MACROD2: variants seen among roughly 807,000 people sequenced by gnomAD.
MACROD2 encodes the protein ADP-ribose glycohydrolase MACROD2.
Under a neutral mutation model 70.4 loss-of-function variants are expected in MACROD2, and 36 were observed. The ratio of observed to expected loss-of-function variants is 0.51; its 90% CI spans 0.39 to 0.68. The LOEUF (loss-of-function observed/expected upper bound fraction) is 0.68. MACROD2 is among the 30% of genes least tolerant of loss of function. The pLI is 0.00. For synonymous variants in MACROD2, 172 were observed against 178.8 expected (o/e 0.96, Z 0.30); for missense variants, 496 against 538.4 (o/e 0.92, Z 0.78).
At chr20:14,635,045 G>A (rs992549370) in intron 4 of MACROD2, among the ~76,000 whole-genome samples, 1 of 152,188 alleles carries the variant, frequency 6.6e-6, no homozygotes, top group South Asian at 2.1e-4. Context: ...GTGCAATGAG[G>A]ATATGGAGGT....
chr20:15,622,341 C>T (rs1221206072), intron 8 of MACROD2, among the ~76,000 whole-genome samples: 2 of 152,124 alleles, frequency 1.3e-5, no homozygotes, highest in Non-Finnish European at 2.9e-5. Flanking sequence ...CAGCAGTGCC[C>T]CCTTATTTGT....
At chr20:14,319,142 C>T (rs755398516) in intron 3 of MACROD2, among the ~76,000 whole-genome samples, 2 of 152,186 alleles carry the variant, frequency 1.3e-5, no homozygotes, top group Non-Finnish European at 2.9e-5. Context: ...ATCCCATCAT[C>T]TTCTCCATCC....
At chr20:15,407,517 C>G (rs967617181) in intron 6 of MACROD2, among the ~76,000 whole-genome samples, 26 of 152,322 alleles carry the variant, frequency 1.7e-4, no homozygotes, top group African/African-American at 5.8e-4. Flanking sequence ...AGCTCTATAA[C>G]TGTTCCTTTT....
intron 3 of MACROD2, chr20:14,325,649 T>C (rs1400449333): frequency 1.2e-6 from 2 of 1,613,814 alleles, no homozygotes. Flanking sequence ...TACAGATTCA[T>C]TCCATTAGGA....
intron 3 of MACROD2, among the ~76,000 whole-genome samples, chr20:14,107,397 C>T (rs547988680): frequency 9.9e-5 from 15 of 151,958 alleles, no homozygotes; most frequent in East Asian, 1.9e-4. Flanking sequence ...CATGCCTACA[C>T]GATCTAGAAA....
At chr20:15,876,156 G>A (rs1182504453) in intron 9 of MACROD2, among the ~76,000 whole-genome samples, 1 of 134,046 alleles carries the variant, frequency 7.5e-6, no homozygotes, top group Non-Finnish European at 1.5e-5. Flanking sequence ...GGGTACATGT[G>A]CACAAAGTGC....
intron 6 of MACROD2, among the ~76,000 whole-genome samples, chr20:15,378,838 A>G (rs2045602092): frequency 6.6e-6 from 1 of 152,228 alleles, no homozygotes. Context: ...ATAAACTGGA[A>G]GACTACCAGT....
chr20:15,855,933 G>A (rs1451273766), intron 8 of MACROD2, among the ~76,000 whole-genome samples: 1 of 152,014 alleles, frequency 6.6e-6, no homozygotes, highest in Non-Finnish European at 1.5e-5. Flanking sequence ...ATCATTTATG[G>A]ACATTTAAGT....
intron 4 of MACROD2, among the ~76,000 whole-genome samples, chr20:14,621,133 C>T (rs1983801939): frequency 1.3e-5 from 2 of 152,092 alleles, no homozygotes; most frequent in African/African-American, 4.8e-5. Flanking sequence ...GATAATAATA[C>T]TGGCATAAGT....
chr20:16,033,029 T>C (rs539223625), intron 15 of MACROD2, among the ~76,000 whole-genome samples: 1 of 152,198 alleles, frequency 6.6e-6, no homozygotes, highest in Admixed American at 6.5e-5. Flanking sequence ...CTAAAAACAA[T>C]TATTCTTGGC....
chr20:15,329,675 T>C (rs950235829), intron 6 of MACROD2, among the ~76,000 whole-genome samples: 11 of 152,118 alleles, frequency 7.2e-5, no homozygotes, highest in African/African-American at 2.7e-4. Flanking sequence ...ATTTTTCAGA[T>C]GTGTGTTTAA....
At chr20:15,056,368 C>T (rs960893438) in intron 5 of MACROD2, among the ~76,000 whole-genome samples, 3 of 122,780 alleles carry the variant, frequency 2.4e-5, no homozygotes, top group African/African-American at 5.3e-5. Flanking sequence ...CATGCCTTGC[C>T]CCAAGCACTC....
intron 5 of MACROD2, among the ~76,000 whole-genome samples, chr20:14,813,277 C>A (rs985707495): frequency 6.6e-5 from 10 of 151,586 alleles, no homozygotes; most frequent in African/African-American, 2.4e-4. Context: ...TTAACTGCAC[C>A]TATCAACCCA....
intron 4 of MACROD2, among the ~76,000 whole-genome samples, chr20:14,523,933 T>G (rs1181365658): frequency 1.3e-5 from 2 of 152,180 alleles, no homozygotes; most frequent in African/African-American, 4.8e-5. Context: ...GATATGCCAG[T>G]CTAGTTATGA....
chr20:15,925,836 GAC>G (rs2065480868), intron 10 of MACROD2, among the ~76,000 whole-genome samples: 1 of 152,008 alleles, frequency 6.6e-6, no homozygotes, highest in African/African-American at 2.4e-5. Flanking sequence ...GCTGTTTTGA[GAC>G]ACAATGATAG....
chr20:15,324,351 GA>G (rs1466355210), intron 6 of MACROD2, among the ~76,000 whole-genome samples: 1 of 152,062 alleles, frequency 6.6e-6, no homozygotes, highest in East Asian at 1.9e-4. Context: ...CTATCCTCAA[GA>G]AGAAGTTTAC....
In MACROD2 at chr20:15,222,787, C is replaced by G. The variant is rs1200083258; in HGVS notation, c.419-7153C>G. Among the ~76,000 whole-genome samples, 6 of 152,190 alleles carry G rather than the reference C, an allele frequency of 3.9e-5. No individual in the cohort carries two copies. The East Asian group carries it at 1.2e-3, about 29-fold the overall frequency. ...GATGAGAGCAACCTATCTGTGCTCTCTCATTTGTTTTAAAATTCATTATGC... is the reference window on the plus strand; with the variant it reads ...GATGAGAGCAACCTATCTGTGCTCTGTCATTTGTTTTAAAATTCATTATGC... On this transcript the variant is annotated intron_variant, in intron 5 of 17. Transcript: ENST00000684519.
chr20:14,229,986 TTAGTC>T (rs1257680413), intron 3 of MACROD2, among the ~76,000 whole-genome samples: 2 of 152,210 alleles, frequency 1.3e-5, no homozygotes, highest in Non-Finnish European at 2.9e-5. Flanking sequence ...ATACTATACT[TTAGTC>T]TATTATTTGA....
intron 8 of MACROD2, among the ~76,000 whole-genome samples, chr20:15,664,890 G>A (rs568424945): frequency 2.0e-5 from 3 of 152,256 alleles, no homozygotes; most frequent in Admixed American, 2.0e-4. Flanking sequence ...AAAGCCACAA[G>A]GTAAAGATAC....
Sources: allele counts gnomAD v4.1 joint callset (sites outside exome capture counted in the v4.1 genomes callset), GRCh38; gene constraint gnomAD v4.1.1; transcripts MANE v1.5; gene names NCBI Gene and HGNC (gene_info 2026-07-23, HGNC 2026-07-21).